Variants in ANK3 observed in about 807,000 individuals in gnomAD.
ANK3 encodes ankyrin 3, also known as ankyrin-3.
A neutral mutation model predicts 370.9 loss-of-function variants in ANK3; 57 were observed. The ratio of observed to expected loss-of-function variants is 0.15; its 90% confidence interval spans 0.12 to 0.19. The LOEUF (loss-of-function observed/expected upper bound fraction) is 0.19, where lower values mean the gene tolerates loss of function less well. ANK3 is among the 10% of genes least tolerant of loss of function. The pLI is 1.00. For synonymous variants in ANK3, 1,929 were observed against 1,946.3 expected (o/e 0.99, Z 0.23); for missense variants, 4,439 against 5,302.1 (o/e 0.84, Z 5.06).
chr10:60,270,143 G>A lies in ANK3; in HGVS notation c.501C>T (p.Ser167=). The change falls in exon 5 of 44, where the codon AGC becomes AGT. Residue 167 remains serine (S), a synonymous_variant. Transcript: ENST00000280772. ...AACAGTATCTTACCTCTGTGGCTAG[G>A]CTCTGGCTTGCACCATTGTCAAGAA... is the stretch of plus-strand genomic sequence containing the variant. The part of the protein sequence containing the change: ...KFLLDNGASQ[S]LATEDGFTPL... 1 of 1,579,466 alleles carries A rather than the reference G, an allele frequency of 6.3e-7. No individual in the cohort carries two copies. Among genetic ancestry groups the A allele is most frequent in the African/African-American group, 1.4e-5 (1 of 73,534 alleles).
At chr10:60,123,606 C>T (rs10761461) in intron 25 of ANK3, among the ~76,000 whole-genome samples, 38,396 of 152,084 alleles carry the variant, frequency 0.25, 5,396 homozygotes, top group East Asian at 0.66. Flanking sequence ...AGTTAAGGTC[C>T]AGAACTAACC....
At chr10:60,461,126 A>G (rs1406394263) in intron 2 of ANK3, among the ~76,000 whole-genome samples, 1 of 152,158 alleles carries the variant, frequency 6.6e-6, no homozygotes, top group Non-Finnish European at 1.5e-5. Flanking sequence ...GCTCTCTCTC[A>G]GCACGTCACA....
chr10:60,063,878 T>C (rs1231144676), intron 39 of ANK3, among the ~76,000 whole-genome samples: 1 of 152,230 alleles, frequency 6.6e-6, no homozygotes, highest in African/African-American at 2.4e-5. Context: ...AATTATGTTT[T>C]CAGTTTTTAT....
chr10:60,479,989 G>A (rs1296439143), intron 2 of ANK3, among the ~76,000 whole-genome samples: 2 of 152,118 alleles, frequency 1.3e-5, no homozygotes, highest in African/African-American at 2.4e-5. Flanking sequence ...AGTACATTTG[G>A]AGGTTAGCAA....
At chr10:60,264,505 G>C (rs1329267941) in intron 5 of ANK3, among the ~76,000 whole-genome samples, 1 of 151,858 alleles carries the variant, frequency 6.6e-6, no homozygotes, top group East Asian at 1.9e-4. Context: ...AATTGGCCGA[G>C]GGTGGTGGAT....
At chr10:60,196,309 G>A in intron 15 of ANK3, 66 bp from the exon 16 acceptor site, 1 of 1,417,906 alleles carries the variant, frequency 7.1e-7, no homozygotes. Context: ...CTTAGATTGA[G>A]GAAATGAAAT....
intron 2 of ANK3, among the ~76,000 whole-genome samples, chr10:60,419,419 C>T (rs1295063013): frequency 6.6e-6 from 1 of 152,116 alleles, no homozygotes; most frequent in Non-Finnish European, 1.5e-5. Flanking sequence ...TCTAAGTTAG[C>T]ATACCTGGCC....
Position 60,179,753 on chromosome 10 carries a change from G to A in ANK3, c.2184+1576C>T, listed in dbSNP as rs545262949. ...TGGGTTAGAAGGAAACTGTGGTGGA[G>A]TCCTGAGACTCGTACATCGAGGGGC... On this transcript the variant is annotated intron_variant, in intron 18 of 43. Coordinates refer to ENST00000280772, the MANE Select transcript of ANK3 (RefSeq NM_020987.5). Among the ~76,000 whole-genome samples, 149 of 152,034 alleles carry A rather than the reference G, an allele frequency of 9.8e-4. 1 individual carries two copies. Among genetic ancestry groups the A allele is most frequent in the African/African-American group, 3.4e-3 (140 of 41,468 alleles).
chr10:60,334,841 A>G (rs1378438032), intron 1 of ANK3, among the ~76,000 whole-genome samples: 1 of 152,198 alleles, frequency 6.6e-6, no homozygotes, highest in Admixed American at 6.5e-5. Flanking sequence ...ACTGGACTCC[A>G]TGGGACAAAT....
intron 1 of ANK3, among the ~76,000 whole-genome samples, chr10:60,356,019 C>G (rs968285520): frequency 3.3e-5 from 5 of 152,186 alleles, no homozygotes; most frequent in African/African-American, 1.2e-4. Flanking sequence ...CTAGTAACAG[C>G]AACACACACA....
At position 60,203,058 on chromosome 10, in the gene ANK3, C is replaced by G. The variant is rs1029577692; in HGVS notation, c.1336G>C (p.Val446Leu). The stretch of plus-strand genomic sequence containing the variant: ...TGCATTAGTTGTGATACAATATTTA[C>G]ATGCCCCATGAAGGCAGCAACATGG... ...PIHVAAFMGHVNIVSQLMHHG... is the reference protein window; with the variant it reads ...PIHVAAFMGHLNIVSQLMHHG... The change falls in exon 12 of 44, where the codon GTA becomes CTA. Residue 446 changes from valine to leucine, a missense_variant. Around this residue, in one of 13 missense-constraint regions of ANK3, gnomAD observed 227 missense variants for 377.6 expected, o/e 0.60. Coordinates refer to ENST00000280772, the MANE Select transcript of ANK3 (RefSeq NM_020987.5). 1.2e-6 allele frequency: 2 copies of G among 1,613,652 alleles called. No individual in the cohort carries two copies. Among genetic ancestry groups the G allele is most frequent in the Admixed American group, 3.3e-5 (2 of 59,988 alleles).
chr10:60,127,842 A>T (rs535091343), intron 25 of ANK3, among the ~76,000 whole-genome samples: 23 of 151,460 alleles, frequency 1.5e-4, no homozygotes, highest in African/African-American at 5.3e-4. Context: ...GGATTACAGG[A>T]ACGTGCCACC....
At chr10:60,643,479 A>G (rs10740038) in intron 1 of ANK3, among the ~76,000 whole-genome samples, 100,569 of 151,332 alleles carry the variant, frequency 0.66, 33,670 homozygotes, top group South Asian at 0.82. Flanking sequence ...GTATAAGTTA[A>G]TACTTAATAA....
chr10:60,542,144 T>C (rs1042082550), intron 2 of ANK3, among the ~76,000 whole-genome samples: 1 of 151,864 alleles, frequency 6.6e-6, no homozygotes, highest in African/African-American at 2.4e-5. Flanking sequence ...ATCCTTTATC[T>C]TTTTAATCCT....
rs190772926 is a variant in ANK3, at chr10:60,575,060, A to C, written c.96+40126T>G. On this transcript the variant is annotated intron_variant, in intron 2 of 43. Coordinates refer to the ANK3 transcript ENST00000373827. ...AGTTAATTGGGATTATAAAATATAC[A>C]AAATACAATTAACATGATATGTCTG... Among the ~76,000 whole-genome samples the C allele has an allele frequency of 3.2e-3, 490 of 152,378 alleles. 2 individuals are homozygous for C. The highest frequency in any genetic ancestry group is 5.1e-3 in the Non-Finnish European group (348 of 68,040).
chr10:60,278,832 T>C lies in ANK3; in HGVS notation c.356A>G (p.Gln119Arg). ...TALHIASLAG[Q>R]AEVVKVLVTN... ...AACCAAGACTTTTACCACCTCTGCT[T>C]GCCCAGCCAAAGATGCGATGTGCAA... The change falls in exon 4 of 44, where the codon CAA becomes CGA. Residue 119 changes from glutamine (Q) to arginine (R), a missense_variant. Gln to Arg is a conservative substitution (Grantham distance 43, BLOSUM62 1). Around this residue, in one of 13 missense-constraint regions of ANK3, gnomAD observed 136 missense variants for 230.5 expected, o/e 0.59. Coordinates refer to ENST00000280772, the MANE Select transcript of ANK3 (RefSeq NM_020987.5). The C allele has an allele frequency of 6.2e-7, 1 of 1,614,006 alleles. No homozygotes were observed.
intron 2 of ANK3, among the ~76,000 whole-genome samples, chr10:60,413,867 C>G (rs1339665291): frequency 6.6e-6 from 1 of 151,966 alleles, no homozygotes; most frequent in Non-Finnish European, 1.5e-5. Flanking sequence ...TGTGGTGGTG[C>G]TTGTTTGCAG....
chr10:60,291,323 T>C (rs888973992), intron 1 of ANK3, among the ~76,000 whole-genome samples: 2 of 152,188 alleles, frequency 1.3e-5, no homozygotes, highest in Non-Finnish European at 2.9e-5. Context: ...CTTAATAATA[T>C]GAGGTCAATA....
At chr10:60,179,521 C>A (rs1050266157) in intron 18 of ANK3, among the ~76,000 whole-genome samples, 5 of 152,026 alleles carry the variant, frequency 3.3e-5, no homozygotes, top group African/African-American at 1.2e-4. Context: ...ATGGCGATAC[C>A]CTGCCTCTGC....
Sources: allele counts gnomAD v4.1 joint callset (sites outside exome capture counted in the v4.1 genomes callset), GRCh38; gene constraint gnomAD v4.1.1; regional missense constraint gnomAD v4.1.1; transcripts MANE v1.5; gene names NCBI Gene and HGNC (gene_info 2026-07-23, HGNC 2026-07-21).